Variants in SHOC2 observed in about 807,000 individuals in gnomAD.
SHOC2 encodes the protein leucine-rich repeat protein SHOC-2.
A neutral mutation model predicts 50.2 loss-of-function variants in SHOC2; 4 were observed. The ratio of observed to expected loss-of-function variants is 0.08; its 90% CI spans 0.04 to 0.18. The LOEUF (loss-of-function observed/expected upper bound fraction) is 0.18, where lower values mean the gene tolerates loss of function less well. Among genes scored for constraint, SHOC2 ranks in the 10% least tolerant of loss-of-function variants. The probability of loss-of-function intolerance (pLI) is 1.00; values close to 1 mark genes in which losing one functional copy is unlikely to be tolerated. For missense variants in SHOC2, 388 were observed against 669.6 expected, an observed-to-expected ratio of 0.58 and a Z score of 4.64; for synonymous variants, 218 against 244.5, an observed-to-expected ratio of 0.89 and a Z score of 1.01.
chr10:111,011,648 A>G lies in SHOC2; in HGVS notation c.1579A>G (p.Asn527Asp). 1.2e-6 allele frequency: 2 copies of G among 1,614,038 alleles called. No homozygotes were observed. The highest frequency in any genetic ancestry group is 2.2e-5 in the East Asian group (1 of 44,880). Residue 527 changes from asparagine (N) to aspartate (D), a missense_variant, in exon 9 of 9, where the codon AAC becomes GAC. This residue lies in a region of SHOC2 where 130 missense variants were observed against 208.6 expected (regional missense o/e 0.62). Transcript: ENST00000369452. The part of the protein sequence containing the change: ...ENLEELYLND[N>D]PNLHSLPFEL... ...CCTAGAAGAACTGTATTTGAATGAC[A>G]ACCCCAACCTGCATAGCCTTCCCTT...
Position 110,941,951 on chromosome 10 carries a change from A to G in SHOC2, c.-234-22174A>G, listed in dbSNP as rs187888116. ...TTTGGATTAGTTGAATTAATTTTAT[A>G]TACACTGTGAAATTTAGATTAAGGT... On this transcript the variant is annotated intron_variant, in intron 1 of 8. Transcript: ENST00000369452. Among the ~76,000 whole-genome samples, 108 of 152,322 alleles carry G rather than the reference A, an allele frequency of 7.1e-4. 1 individual carries two copies. The East Asian group carries it at 0.017, about 24-fold the overall frequency.
At chr10:110,982,947 C>T (rs1033655215) in intron 2 of SHOC2, among the ~76,000 whole-genome samples, 1 of 152,060 alleles carries the variant, frequency 6.6e-6, no homozygotes, top group Non-Finnish European at 1.5e-5. Flanking sequence ...TGCAGTGAAG[C>T]CATCTGGACC....
Position 110,964,372 on chromosome 10 carries a change from T to C in SHOC2, c.14T>C (p.Leu5Ser), listed in dbSNP as rs774208246. 1.2e-6 allele frequency: 2 copies of C among 1,613,054 alleles called. No individual in the cohort carries two copies. The highest frequency in any genetic ancestry group is 1.7e-6 in the Non-Finnish European group (2 of 1,179,684). ...GCTTGAGTCACCATGAGTAGTAGTT[T>C]AGGAAAAGAAAAAGACTCTAAAGAA... MSSS[L>S]GKEKDSKEKD... Residue 5 changes from leucine (L) to serine (S), a missense_variant, in exon 2 of 9, where the codon TTA becomes TCA. Coordinates refer to ENST00000369452, the MANE Select transcript of SHOC2 (RefSeq NM_007373.4). The surrounding 1 kb of genome is among the most constrained non-coding windows in gnomAD (Gnocchi z 4.9).
chr10:111,002,636 G>T (rs1023564905), intron 4 of SHOC2, among the ~76,000 whole-genome samples: 1 of 152,104 alleles, frequency 6.6e-6, no homozygotes, highest in Non-Finnish European at 1.5e-5. Flanking sequence ...CTTAAGAGAG[G>T]TTATATTTTT....
chr10:110,953,034 C>G (rs1037504174), intron 1 of SHOC2, among the ~76,000 whole-genome samples: 2 of 152,134 alleles, frequency 1.3e-5, no homozygotes, highest in Non-Finnish European at 2.9e-5. Context: ...CATATGTGTG[C>G]ATGTGTCTTT....
chr10:110,945,121 C>A (rs1322100155), intron 1 of SHOC2, among the ~76,000 whole-genome samples: 1 of 152,222 alleles, frequency 6.6e-6, no homozygotes, highest in African/African-American at 2.4e-5. Context: ...GTTGCTCCAA[C>A]TGTTATTCAC....
chr10:110,956,779 GAAAA>G (rs1258049295), intron 1 of SHOC2, among the ~76,000 whole-genome samples: 1 of 150,732 alleles, frequency 6.6e-6, no homozygotes, highest in Non-Finnish European at 1.5e-5. Flanking sequence ...AGAAATAAAA[GAAAA>G]AATAAATGAT....
At chr10:111,001,754 T>G (rs1243674930) in intron 4 of SHOC2, among the ~76,000 whole-genome samples, 1 of 152,100 alleles carries the variant, frequency 6.6e-6, no homozygotes, top group Non-Finnish European at 1.5e-5. Flanking sequence ...TTTAATAAGG[T>G]CAGGCGCTGT....
chr10:110,992,664 TGGTTATATCAACAA>T (rs1165720453), intron 3 of SHOC2, among the ~76,000 whole-genome samples: 2 of 152,232 alleles, frequency 1.3e-5, no homozygotes. Flanking sequence ...ACATTAATTA[TGGTTATATCAACAA>T]GTAGCATTTT....
chr10:110,934,668 G>A (rs1278225914), intron 1 of SHOC2, among the ~76,000 whole-genome samples: 4 of 152,026 alleles, frequency 2.6e-5, no homozygotes, highest in African/African-American at 9.7e-5. Flanking sequence ...CTTACATGGT[G>A]ACAACATTAA....
At chr10:111,004,445 G>T (rs1051184243) in intron 4 of SHOC2, among the ~76,000 whole-genome samples, 161 bp from the exon 5 acceptor site, 9 of 152,214 alleles carry the variant, frequency 5.9e-5, no homozygotes, top group Non-Finnish European at 1.2e-4. Context: ...GAACTGTGTA[G>T]TGACTGTCCC....
At chr10:110,940,121 G>A (rs1847106423) in intron 1 of SHOC2, among the ~76,000 whole-genome samples, 1 of 152,194 alleles carries the variant, frequency 6.6e-6, no homozygotes, top group African/African-American at 2.4e-5. Flanking sequence ...AGTGCCATCT[G>A]TAGAATCAGG....
At chr10:110,936,969 G>T (rs753831053) in intron 1 of SHOC2, 1 of 1,449,800 alleles carries the variant, frequency 6.9e-7, no homozygotes, top group South Asian at 1.1e-5. Flanking sequence ...GTCTTGTGGG[G>T]CAGCATACTT....
chr10:110,969,068 C>T (rs766773236), intron 2 of SHOC2, among the ~76,000 whole-genome samples: 2 of 152,112 alleles, frequency 1.3e-5, no homozygotes, highest in African/African-American at 2.4e-5. Context: ...TGTTCAGAGC[C>T]AGAGATCTAT....
chr10:110,986,995 C>T (rs1037210025), intron 3 of SHOC2, among the ~76,000 whole-genome samples: 2 of 152,122 alleles, frequency 1.3e-5, no homozygotes, highest in African/African-American at 4.8e-5. Flanking sequence ...TCCAGTTCAC[C>T]CTTACTGGTA....
chr10:110,956,812 C>CT (rs892253391), intron 1 of SHOC2, among the ~76,000 whole-genome samples: 219 of 144,806 alleles, frequency 1.5e-3, no homozygotes, highest in Middle Eastern at 3.6e-3. Flanking sequence ...AGGAAAAATC[C>CT]TTTTTTTTTT....
At chr10:111,009,919 GT>G in intron 8 of SHOC2, 89 bp downstream of exon 8, 1 of 801,492 alleles carries the variant, frequency 1.2e-6, no homozygotes, top group Non-Finnish European at 2.2e-6. Context: ...CAAATCTATT[GT>G]TTTTTAAACT....
In SHOC2 at chr10:110,936,616, T is replaced by C. The variant is rs748521211; in HGVS notation, c.-235+16959T>C. Reference sequence around the variant, plus strand: ...TTTTTTTTTTTTTTAACAGTCTTTATTGGGCTCAGACCAGGAGTCCGTGGG... The same window carrying C: ...TTTTTTTTTTTTTTAACAGTCTTTACTGGGCTCAGACCAGGAGTCCGTGGG... On this transcript the variant is annotated intron_variant, in intron 1 of 8. Transcript: ENST00000369452. 1.0e-3 allele frequency: 551 copies of C among 526,510 alleles called. 1 individual carries two copies. Among genetic ancestry groups the C allele is most frequent in the Non-Finnish European group, 1.6e-3 (495 of 312,076 alleles). The allele number at this position is 526,510 out of a possible 1,614,324, so 32.6% of individuals were successfully genotyped here. A position where few individuals can be genotyped will look rare whatever the true frequency, so the allele number is the denominator to read the frequency against.
At chr10:110,930,240 C>G (rs1217134654) in intron 1 of SHOC2, among the ~76,000 whole-genome samples, 1 of 152,070 alleles carries the variant, frequency 6.6e-6, no homozygotes, top group Non-Finnish European at 1.5e-5. Flanking sequence ...TAAGAAACGC[C>G]AGTTGTTTTA....
Sources: allele counts gnomAD v4.1 joint callset (sites outside exome capture counted in the v4.1 genomes callset), GRCh38; gene constraint gnomAD v4.1.1; regional missense constraint gnomAD v4.1.1; non-coding constraint Gnocchi (gnomAD v3.1); transcripts MANE v1.5; gene names NCBI Gene and HGNC (gene_info 2026-07-23, HGNC 2026-07-21).